Variants in NRG3 observed in about 807,000 individuals in gnomAD.
NRG3 encodes the protein pro-neuregulin-3, membrane-bound isoform.
NRG3 carries 31 observed loss-of-function variants against 66.9 expected under a neutral mutation model. The observed-to-expected ratio is 0.46, with a 90% confidence interval of 0.35 to 0.63. NRG3 has a LOEUF of 0.63. Ranked by LOEUF, NRG3 falls within the 20% of genes least tolerant of loss-of-function variation. The pLI is 0.00. For synonymous variants in NRG3, 393 were observed against 359.4 expected (o/e 1.09, Z -1.06); for missense variants, 910 against 878.9 (o/e 1.04, Z -0.45).
intron 1 of NRG3, among the ~76,000 whole-genome samples, chr10:81,901,956 G>A (rs899987251): frequency 2.6e-5 from 4 of 152,166 alleles, no homozygotes; most frequent in Non-Finnish European, 4.4e-5. Flanking sequence ...TCTAGTGTGT[G>A]TATGTGTGTG....
At chr10:82,762,000 TTCTC>T (rs1225598078) in intron 3 of NRG3, among the ~76,000 whole-genome samples, 6 of 149,574 alleles carry the variant, frequency 4.0e-5, no homozygotes, top group Non-Finnish European at 7.4e-5. Flanking sequence ...TTCTTTTCCT[TTCTC>T]TCTTTCTTTC....
chr10:82,240,348 G>T (rs768738421), intron 1 of NRG3, among the ~76,000 whole-genome samples: 1 of 152,024 alleles, frequency 6.6e-6, no homozygotes, highest in African/African-American at 2.4e-5. Flanking sequence ...TTCCAAATAT[G>T]AAGATGAAAG....
intron 1 of NRG3, among the ~76,000 whole-genome samples, chr10:81,900,799 C>T (rs1324575698): frequency 7.2e-5 from 11 of 152,062 alleles, no homozygotes; most frequent in Admixed American, 7.2e-4. Context: ...ATATTCAGGG[C>T]ATTTGTTATT....
At chr10:81,990,944 G>C (rs1330510113) in intron 1 of NRG3, among the ~76,000 whole-genome samples, 1 of 152,160 alleles carries the variant, frequency 6.6e-6, no homozygotes, top group Non-Finnish European at 1.5e-5. Context: ...TAAATTGGTT[G>C]AAATGAGTCA....
Position 82,476,533 on chromosome 10 carries a change from A to G in NRG3, c.953+117665A>G, listed in dbSNP as rs139495251. Among the ~76,000 whole-genome samples the G allele has an allele frequency of 5.3e-5, 8 of 152,334 alleles. No individual in the cohort carries two copies. The East Asian group carries it at 1.5e-3, about 29-fold the overall frequency. ...GAATATTGTTCAGCCTTAAAAAGGAAGAAAATTCGAACACATGCTACAGCA... is the reference window on the plus strand; with the variant it reads ...GAATATTGTTCAGCCTTAAAAAGGAGGAAAATTCGAACACATGCTACAGCA... On this transcript the variant is annotated intron_variant, in intron 2 of 8. Coordinates refer to ENST00000372141, the MANE Select transcript of NRG3 (RefSeq NM_001010848.4).
At chr10:82,895,109 T>C (rs560223790) in intron 4 of NRG3, among the ~76,000 whole-genome samples, 1 of 152,334 alleles carries the variant, frequency 6.6e-6, no homozygotes, top group Admixed American at 6.5e-5. Context: ...TTCCACGGTG[T>C]ATATGTGCCA....
chr10:82,172,777 T>C (rs2072729122), intron 1 of NRG3, among the ~76,000 whole-genome samples: 1 of 152,140 alleles, frequency 6.6e-6, no homozygotes, highest in Non-Finnish European at 1.5e-5. Flanking sequence ...CTTTCCCGCT[T>C]GACCCATAAT....
intron 2 of NRG3, among the ~76,000 whole-genome samples, chr10:82,686,681 T>C (rs1396975550): frequency 6.6e-6 from 1 of 152,192 alleles, no homozygotes; most frequent in Admixed American, 6.5e-5. Flanking sequence ...TAAAACGTCG[T>C]TATGCAGTGC....
chr10:82,533,746 C>A (rs981913497), intron 2 of NRG3, among the ~76,000 whole-genome samples: 1 of 152,006 alleles, frequency 6.6e-6, no homozygotes, highest in Admixed American at 6.6e-5. Context: ...AAAAGAGCAC[C>A]TAGGACAGAC....
chr10:81,974,629 T>C (rs2060050841), intron 1 of NRG3, among the ~76,000 whole-genome samples: 1 of 152,116 alleles, frequency 6.6e-6, no homozygotes, highest in Non-Finnish European at 1.5e-5. Context: ...ACAAGCATAG[T>C]CAAGCTTCAT....
intron 4 of NRG3, among the ~76,000 whole-genome samples, chr10:82,920,824 T>C (rs997833736): frequency 3.3e-5 from 5 of 152,136 alleles, no homozygotes; most frequent in African/African-American, 9.7e-5. Flanking sequence ...TAAAGTTAGA[T>C]TGGACTGTAA....
At chr10:82,565,207 G>C (rs1331834996) in intron 2 of NRG3, among the ~76,000 whole-genome samples, 1 of 152,090 alleles carries the variant, frequency 6.6e-6, no homozygotes, top group Admixed American at 6.6e-5. Flanking sequence ...CAGGTAGGCA[G>C]GACATATAGC....
At chr10:82,100,000 T>TAA (rs1554824817) in intron 1 of NRG3, among the ~76,000 whole-genome samples, 5 of 150,226 alleles carry the variant, frequency 3.3e-5, no homozygotes, top group African/African-American at 4.9e-5. Context: ...TATATATATA[T>TAA]AATTTAAAAA....
At position 82,046,177 on chromosome 10, in the gene NRG3, A is replaced by G. The variant is rs531974741; in HGVS notation, c.823+170014A>G. 3.6e-4 allele frequency among the ~76,000 whole-genome samples: 54 copies of G among 148,534 alleles called. 1 individual carries two copies. Among genetic ancestry groups the G allele is most frequent in the African/African-American group, 1.2e-3 (50 of 40,492 alleles). On this transcript the variant is annotated intron_variant, in intron 1 of 8. Coordinates refer to ENST00000372141, the MANE Select transcript of NRG3 (RefSeq NM_001010848.4). ...CTTGGGCAGCATGGCCATTTTCATG[A>G]TATTGATTCTTCTTACCCATGAGCA...
At chr10:82,299,317 G>C (rs1343667803) in intron 1 of NRG3, among the ~76,000 whole-genome samples, 1 of 152,110 alleles carries the variant, frequency 6.6e-6, no homozygotes, top group Non-Finnish European at 1.5e-5. Flanking sequence ...GCACCTATGA[G>C]GTAATTACTC....
intron 2 of NRG3, among the ~76,000 whole-genome samples, chr10:82,710,586 CAAAAAA>C (rs59857324): frequency 5.7e-3 from 419 of 73,754 alleles, no homozygotes; most frequent in Non-Finnish European, 8.3e-3. Flanking sequence ...GACTCCATCT[CAAAAAA>C]AAAAAAAAAA....
chr10:82,842,511 T>C (rs976479073), intron 3 of NRG3, among the ~76,000 whole-genome samples: 7 of 152,190 alleles, frequency 4.6e-5, no homozygotes, highest in African/African-American at 1.4e-4. Context: ...AATATAGTCT[T>C]CCTGTGTGCC....
rs114418749 is a variant in NRG3, at chr10:81,877,828, A to C, written c.823+1665A>C. The C allele has an allele frequency of 1.4e-3, 1,987 of 1,447,910 alleles. 20 individuals carry two copies. The highest frequency in any genetic ancestry group is 0.011 in the African/African-American group (763 of 69,150). 89.7% of individuals were successfully genotyped at this position (1,447,910 alleles called of 1,614,324 possible). Reference sequence around the variant, plus strand: ...AGGTGTTTAGAGCCTCCACTCAACAAATCTAGCTTGTGTTTTGTAGAAGGA... The same window carrying C: ...AGGTGTTTAGAGCCTCCACTCAACACATCTAGCTTGTGTTTTGTAGAAGGA... On this transcript the variant is annotated intron_variant, in intron 1 of 8. Transcript: ENST00000372141.
chr10:82,404,750 T>C (rs1224992173), intron 2 of NRG3, among the ~76,000 whole-genome samples: 1 of 152,156 alleles, frequency 6.6e-6, no homozygotes, highest in Non-Finnish European at 1.5e-5. Context: ...GTTAATCTTA[T>C]GGGGTCTGAG....
Sources: gnomAD v4.1 joint callset for allele counts (sites outside exome capture counted in the v4.1 genomes callset) on GRCh38, gnomAD v4.1.1 for gene constraint, MANE v1.5 for transcripts, NCBI Gene and HGNC (gene_info 2026-07-23, HGNC 2026-07-21) for gene names.